ABCA5: variants seen among roughly 807,000 people sequenced by gnomAD.
ABCA5 encodes the protein ATP binding cassette subfamily A member 5.
A neutral mutation model predicts 206.0 loss-of-function variants in ABCA5; 163 were observed. That is an observed-to-expected ratio of 0.79 (90% CI 0.70 to 0.90). The LOEUF (loss-of-function observed/expected upper bound fraction) is 0.90, where lower values mean the gene tolerates loss of function less well. Among genes scored for constraint, ABCA5 ranks in the 40% least tolerant of loss-of-function variants. The pLI, the probability that ABCA5 is intolerant of heterozygous loss-of-function variation, is 0.00. For missense variants in ABCA5, 1,859 were observed against 1,912.9 expected (o/e 0.97, Z 0.53); for synonymous variants, 609 against 613.8 (o/e 0.99, Z 0.11).
intron 34 of ABCA5, among the ~76,000 whole-genome samples, chr17:69,252,216 G>A (rs970721139): frequency 4.6e-5 from 7 of 151,750 alleles, no homozygotes; most frequent in East Asian, 1.9e-4. Context: ...GGGTTTCACC[G>A]TGTTAGCCAG....
chr17:69,255,427 A>G (rs1348989450), intron 31 of ABCA5, 116 bp downstream of exon 31: 11 of 631,938 alleles, frequency 1.7e-5, no homozygotes, highest in Non-Finnish European at 2.7e-5. Flanking sequence ...GCTGTACAAA[A>G]AATTCTAAAA....
In ABCA5 at chr17:69,258,969, GATGTGGAGAAA is replaced by G. The variant is rs1395093271; in HGVS notation, c.3731+726_3731+736del. Among the ~76,000 whole-genome samples the G allele has an allele frequency of 3.3e-5, 5 of 152,128 alleles. No individual in the cohort carries two copies. The East Asian group carries it at 9.7e-4, about 29-fold the overall frequency. On this transcript the variant is annotated intron_variant, in intron 28 of 38. Transcript: ENST00000392676. Reference sequence around the variant, plus strand: ...ACAAACAATAACAAGCATTGGCAAGGATGTGGAGAAAATAGAACCCTAAAACATTCCTAGCG... The same window carrying G: ...ACAAACAATAACAAGCATTGGCAAGGATAGAACCCTAAAACATTCCTAGCG...
intron 24 of ABCA5, among the ~76,000 whole-genome samples, chr17:69,264,202 C>T (rs1341867085): frequency 6.6e-6 from 1 of 152,088 alleles, no homozygotes; most frequent in African/African-American, 2.4e-5. Flanking sequence ...CTTGTATCAT[C>T]TCTGAATTCC....
chr17:69,254,070 T>G (rs1379217581), intron 32 of ABCA5, among the ~76,000 whole-genome samples: 1 of 152,168 alleles, frequency 6.6e-6, no homozygotes, highest in Non-Finnish European at 1.5e-5. Context: ...TGAATTAAAA[T>G]AAGTTTCATG....
chr17:69,302,396 T>C (rs1270302640), intron 8 of ABCA5, among the ~76,000 whole-genome samples: 1 of 152,142 alleles, frequency 6.6e-6, no homozygotes, highest in Non-Finnish European at 1.5e-5. Context: ...GATAGCAATA[T>C]AACCAGGCCA....
At chr17:69,253,429 ATC>A (rs1364715131) in intron 34 of ABCA5, 142 bp downstream of exon 34, 2 of 493,132 alleles carry the variant, frequency 4.1e-6, no homozygotes, top group Non-Finnish European at 7.0e-6. Flanking sequence ...AAATCTCTAA[ATC>A]TATTTAATTT....
chr17:69,302,593 T>C, intron 8 of ABCA5, 125 bp downstream of exon 8: 1 of 535,774 alleles, frequency 1.9e-6, no homozygotes. Context: ...AAATCATTTC[T>C]TCCTCATGCT....
At chr17:69,275,005 G>A (rs543346108) in intron 19 of ABCA5, among the ~76,000 whole-genome samples, 124 of 151,908 alleles carry the variant, frequency 8.2e-4, no homozygotes, top group African/African-American at 2.9e-3. Flanking sequence ...CACTGTACCC[G>A]GCTAATTTTT....
chr17:69,269,262 C>T (rs1023557685), intron 22 of ABCA5, among the ~76,000 whole-genome samples: 9 of 152,058 alleles, frequency 5.9e-5, no homozygotes, highest in East Asian at 1.9e-4. Context: ...GTTACTCCTA[C>T]GGAGGAGAGA....
Position 69,251,848 on chromosome 17 carries a change from T to C in ABCA5, c.4434A>G (p.Ala1478=), listed in dbSNP as rs1333870724. The change falls in exon 35 of 39, where the codon GCA becomes GCG. Residue 1478 remains alanine (A), a synonymous_variant. Coordinates refer to ENST00000392676, the MANE Select transcript of ABCA5 (RefSeq NM_172232.4). ...KQHMWRAIRT[A]FKNRKRAAIL... ...TAGCAGCCCGCTTTCTGTTTTTAAA[T>C]GCAGTTCGAATTGCTCGCCTATAAA... The C allele has an allele frequency of 1.2e-6, 2 of 1,613,682 alleles. No individual in the cohort carries two copies. Among genetic ancestry groups the C allele is most frequent in the South Asian group, 1.1e-5 (1 of 90,936 alleles).
At chr17:69,292,250 C>G (rs1486798245) in intron 11 of ABCA5, among the ~76,000 whole-genome samples, 1 of 152,062 alleles carries the variant, frequency 6.6e-6, no homozygotes, top group African/African-American at 2.4e-5. Context: ...GTGTTCTGCC[C>G]CATGAACGTG....
chr17:69,271,554 T>C (rs1290631331), intron 20 of ABCA5, among the ~76,000 whole-genome samples: 1 of 152,032 alleles, frequency 6.6e-6, no homozygotes, highest in African/African-American at 2.4e-5. Flanking sequence ...ATCTGCCTTA[T>C]AGGTAGAGTG....
chr17:69,272,860 AGCC>A, intron 20 of ABCA5, among the ~76,000 whole-genome samples: 6 of 152,200 alleles, frequency 3.9e-5, no homozygotes, highest in African/African-American at 1.2e-4. Flanking sequence ...AATCATTCCT[AGCC>A]ATGCTTATTA....
intron 23 of ABCA5, among the ~76,000 whole-genome samples, chr17:69,267,267 T>C (rs1438007916): frequency 6.6e-6 from 1 of 152,320 alleles, no homozygotes; most frequent in South Asian, 2.1e-4. Context: ...TTTACTGAAT[T>C]AAGATCATCC....
intron 1 of ABCA5, among the ~76,000 whole-genome samples, chr17:69,316,568 G>A: frequency 6.9e-6 from 1 of 145,078 alleles, no homozygotes; most frequent in Non-Finnish European, 1.5e-5. Context: ...ATTTATAAAA[G>A]GAGAGGAGAA....
At chr17:69,285,440 T>C (rs1312802050) in intron 17 of ABCA5, 1 of 152,238 alleles carries the variant, frequency 6.6e-6, no homozygotes. Flanking sequence ...GGAAGGAGAC[T>C]GAGTTTGAGT....
intron 4 of ABCA5, among the ~76,000 whole-genome samples, chr17:69,308,830 G>A (rs2075743634): frequency 1.3e-5 from 2 of 152,034 alleles, no homozygotes; most frequent in African/African-American, 4.8e-5. Context: ...GTTTGTGGTT[G>A]ATAATATTTC....
Position 69,256,233 on chromosome 17 carries a change from T to C in ABCA5, c.3782A>G (p.Asn1261Ser), listed in dbSNP as rs2075077236. Residue 1261 changes from asparagine to serine, a missense_variant, in exon 29 of 39, where the codon AAT becomes AGT. Coordinates refer to ENST00000392676, the MANE Select transcript of ABCA5 (RefSeq NM_172232.4). ...TTTGACATCTTCATCTTCATCCTCA[T>C]TGTCTGGTGGTTCTGGAAGCTTCCT... ...KNRKLPEPPD[N>S]EDEDEDVKAE... 3.7e-6 allele frequency: 6 copies of C among 1,610,126 alleles called. No individual in the cohort carries two copies. The highest frequency in any genetic ancestry group is 2.2e-5 in the East Asian group (1 of 44,622).
At chr17:69,273,471 T>TTATTTATTTA (rs1567760040) in intron 20 of ABCA5, among the ~76,000 whole-genome samples, 2 of 151,812 alleles carry the variant, frequency 1.3e-5, no homozygotes, top group Non-Finnish European at 1.5e-5. Flanking sequence ...ATTTATTTAT[T>TTATTTATTTA]TTGAGGCAGA....
Sources: allele counts gnomAD v4.1 joint callset (sites outside exome capture counted in the v4.1 genomes callset), GRCh38; gene constraint gnomAD v4.1.1; transcripts MANE v1.5; gene names NCBI Gene and HGNC (gene_info 2026-07-23, HGNC 2026-07-21).